The following ARHGEF9 variants were observed in gnomAD, a reference collection of about 807,000 sequenced individuals.
The protein encoded by ARHGEF9 is Cdc42 guanine nucleotide exchange factor 9, also known as rho guanine nucleotide exchange factor 9.
Under a neutral mutation model 41.3 loss-of-function variants are expected in ARHGEF9, and 2 were observed. The observed-to-expected ratio is 0.05, with a 90% confidence interval of 0.02 to 0.15. The LOEUF is 0.15. ARHGEF9 is among the 10% of genes least tolerant of loss of function. ARHGEF9 has a pLI of 1.00. For missense variants in ARHGEF9, 225 were observed against 424.7 expected (o/e 0.53, Z 4.13); for synonymous variants, 160 against 154.4 (o/e 1.04, Z -0.27).
At chrX:63,713,397 G>C (rs1602523343) in intron 2 of ARHGEF9, among the ~76,000 whole-genome samples, 1 of 109,562 alleles carries the variant, frequency 9.1e-6, no homozygotes. Context: ...TGAACACAAC[G>C]AATGATGAGA....
chrX:63,672,434 A>T (rs1556356799), intron 6 of ARHGEF9, among the ~76,000 whole-genome samples: 1 of 110,934 alleles, frequency 9.0e-6, no homozygotes, highest in African/African-American at 3.3e-5. Flanking sequence ...AGGCTAATAA[A>T]GGAGGCAGAC....
chrX:63,651,427 T>C (rs1207965833), intron 8 of ARHGEF9, among the ~76,000 whole-genome samples: 1 of 110,926 alleles, frequency 9.0e-6, no homozygotes, highest in East Asian at 2.8e-4. Context: ...TCTAAGTATA[T>C]ATGCAGAGTT....
At chrX:63,708,133 CAA>C (rs1326481266) in intron 2 of ARHGEF9, among the ~76,000 whole-genome samples, 2 of 97,156 alleles carry the variant, frequency 2.1e-5, no homozygotes, top group East Asian at 6.3e-4. Flanking sequence ...TAGACCTGGG[CAA>C]AAAAAAAAAG....
At chrX:63,647,163 A>T (rs1412815050) in intron 8 of ARHGEF9, among the ~76,000 whole-genome samples, 1 of 111,682 alleles carries the variant, frequency 9.0e-6, no homozygotes, top group African/African-American at 3.3e-5. Context: ...ATATATAATC[A>T]TGTCATCTGC....
intron 8 of ARHGEF9, among the ~76,000 whole-genome samples, chrX:63,655,105 A>G (rs782479981): frequency 3.6e-5 from 4 of 112,661 alleles, no homozygotes; most frequent in Admixed American, 9.4e-5. Context: ...AGGGGGATTT[A>G]GTTAACATCT....
intron 2 of ARHGEF9, among the ~76,000 whole-genome samples, chrX:63,709,543 C>A (rs2052775703): frequency 1.8e-5 from 2 of 111,641 alleles, no homozygotes; most frequent in Non-Finnish European, 3.8e-5. Flanking sequence ...TAGCTTTTAC[C>A]CTTCCCACAT....
chrX:63,756,291 T>C (rs782666119), intron 1 of ARHGEF9, among the ~76,000 whole-genome samples: 1 of 112,207 alleles, frequency 8.9e-6, no homozygotes, highest in South Asian at 3.7e-4. Context: ...TTTTTGCTCT[T>C]ATATTATAGG....
intron 1 of ARHGEF9, among the ~76,000 whole-genome samples, chrX:63,776,636 T>C (rs1305341865): frequency 1.6e-4 from 18 of 111,754 alleles, no homozygotes; most frequent in Non-Finnish European, 1.1e-4. Flanking sequence ...AACTTGGACA[T>C]TATAGCTCAG....
intron 1 of ARHGEF9, among the ~76,000 whole-genome samples, chrX:63,759,883 G>A (rs1292980759): frequency 1.8e-5 from 2 of 111,893 alleles, no homozygotes; most frequent in African/African-American, 3.3e-5. Flanking sequence ...GAGCGCAGAT[G>A]TAAACTCAAA....
intron 1 of ARHGEF9, chrX:63,767,165 C>T: frequency 1.2e-6 from 1 of 809,197 alleles, no homozygotes; most frequent in South Asian, 2.0e-5. Flanking sequence ...AAATGCCATG[C>T]AGCATCTTAA....
Position 63,635,404 on chromosome X carries a change from G to C in ARHGEF9, c.*2624C>G, listed in dbSNP as rs1280310475. ...CCTGGCCTCACTGAGTTGAGGAAAA[G>C]GGAGCTCAGGGCCATGCGGAAATTA... On this transcript the variant is annotated 3_prime_UTR_variant, in exon 10 of 10. Coordinates refer to ENST00000671741, the MANE Select transcript of ARHGEF9 (RefSeq NM_001353921.2). 1.9e-6 allele frequency: 1 copy of C among 522,476 alleles called. No individual in the cohort carries two copies. The highest frequency in any genetic ancestry group is 3.5e-6 in the Non-Finnish European group (1 of 285,951). The allele number at this position is 522,476 out of a possible 1,213,427, so 43.1% of individuals were successfully genotyped here.
chrX:63,710,235 T>C (rs1414475161), intron 2 of ARHGEF9, among the ~76,000 whole-genome samples: 1 of 81,387 alleles, frequency 1.2e-5, no homozygotes, highest in African/African-American at 4.9e-5. Flanking sequence ...TGAGAAGACC[T>C]ATAACAAGAA....
At chrX:63,666,500 C>T (rs1275270132) in intron 6 of ARHGEF9, among the ~76,000 whole-genome samples, 1 of 63,725 alleles carries the variant, frequency 1.6e-5, no homozygotes, top group Non-Finnish European at 3.2e-5. Context: ...ATATATATTT[C>T]TCCATCTCTC....
At chrX:63,640,778 T>C (rs1446305600) in intron 9 of ARHGEF9, 3 of 111,484 alleles carry the variant, frequency 2.7e-5, no homozygotes, top group Non-Finnish European at 5.6e-5. Flanking sequence ...ACCTATCTAA[T>C]GACATCCGCA....
intron 1 of ARHGEF9, among the ~76,000 whole-genome samples, chrX:63,738,362 C>T (rs1473989022): frequency 8.9e-6 from 1 of 111,793 alleles, no homozygotes; most frequent in African/African-American, 3.3e-5. Context: ...TCTCTTGGAC[C>T]TTTTGAATTT....
rs2050123836 is a variant in ARHGEF9, at chrX:63,674,232, C to T, written c.816-65G>A. On this transcript the variant is annotated intron_variant, in intron 5 of 9. Coordinates refer to ENST00000671741, the MANE Select transcript of ARHGEF9 (RefSeq NM_001353921.2). ...GCCAAAGAACCAATGTGCTAGGTGC[C>T]AATCTTAACATCCACTCTCCTCTAC... 4.4e-6 allele frequency: 5 copies of T among 1,128,381 alleles called. No homozygotes were observed. In the South Asian group the frequency reaches 5.6e-5, roughly 13 times the overall value. 93.0% of individuals were successfully genotyped at this position (1,128,381 alleles called of 1,213,427 possible). A position where few individuals can be genotyped will look rare whatever the true frequency, so the allele number is the denominator to read the frequency against.
At chrX:63,687,745 TCAA>T (rs2051075040) in intron 4 of ARHGEF9, among the ~76,000 whole-genome samples, 1 of 109,662 alleles carries the variant, frequency 9.1e-6, no homozygotes, top group Non-Finnish European at 1.9e-5. Context: ...TGGGATGGTC[TCAA>T]CAACAGAATT....
chrX:63,770,264 G>T (rs1427999148), intron 1 of ARHGEF9, among the ~76,000 whole-genome samples: 1 of 112,792 alleles, frequency 8.9e-6, no homozygotes, highest in Admixed American at 9.3e-5. Context: ...TAACTGGAAT[G>T]TAAAGTATAA....
chrX:63,738,408 A>T, intron 1 of ARHGEF9, among the ~76,000 whole-genome samples: 1 of 111,820 alleles, frequency 8.9e-6, no homozygotes, highest in Non-Finnish European at 1.9e-5. Flanking sequence ...CCAAAAATAA[A>T]ATTTTAAAAA....
Sources: gnomAD v4.1 joint callset for allele counts (sites outside exome capture counted in the v4.1 genomes callset) on GRCh38, gnomAD v4.1.1 for gene constraint, MANE v1.5 for transcripts, NCBI Gene and HGNC (gene_info 2026-07-23, HGNC 2026-07-21) for gene names.